COLEC12: variants seen among roughly 807,000 people sequenced by gnomAD.
COLEC12 encodes collectin subfamily member 12, also known as collectin-12.
In COLEC12, 33 loss-of-function variants were observed where a neutral mutation model predicts 71.1. The ratio of observed to expected loss-of-function variants is 0.46; its 90% CI spans 0.35 to 0.62. The LOEUF is 0.62. Among genes scored for constraint, COLEC12 ranks in the 20% least tolerant of loss-of-function variants. The pLI, the probability that COLEC12 is intolerant of heterozygous loss-of-function variation, is 0.00. For synonymous variants in COLEC12, 350 were observed against 353.0 expected (o/e 0.99, Z 0.10); for missense variants, 765 against 916.1 (o/e 0.84, Z 2.13).
intron 2 of COLEC12, among the ~76,000 whole-genome samples, chr18:438,802 C>CG: frequency 7.5e-6 from 1 of 132,690 alleles, no homozygotes; most frequent in South Asian, 2.4e-4. Flanking sequence ...GACCTTGTCT[C>CG]AAAAAAAAAA....
At chr18:453,615 T>C (rs193052061) in intron 2 of COLEC12, among the ~76,000 whole-genome samples, 1 of 152,230 alleles carries the variant, frequency 6.6e-6, no homozygotes, top group African/African-American at 2.4e-5. Flanking sequence ...TTATCTTCCC[T>C]GTCTATACTC....
chr18:438,223 T>C (rs1916445012), intron 2 of COLEC12, among the ~76,000 whole-genome samples: 1 of 152,198 alleles, frequency 6.6e-6, no homozygotes, highest in South Asian at 2.1e-4. Context: ...AGTGCCAGCA[T>C]AAACCTCATG....
intron 1 of COLEC12, among the ~76,000 whole-genome samples, chr18:484,600 A>G (rs1039386182): frequency 2.0e-5 from 3 of 152,182 alleles, no homozygotes; most frequent in Non-Finnish European, 2.9e-5. Context: ...GGGGGCGAGG[A>G]TAGAGATTGG....
rs1438453390 is a variant in COLEC12 at position 346,501 on chromosome 18, G to A, written c.1121C>T (p.Thr374Ile). The part of the protein sequence containing the change: ...LNEVRTTCTD[T>I]LTKHTDDLTS... The stretch of plus-strand genomic sequence containing the variant: ...CAGATCATCTGTGTGTTTGGTAAGG[G>A]TATCTGTGCAAGTGGTCCTGACTTC... Residue 374 changes from threonine to isoleucine, a missense_variant, in exon 5 of 10, where the codon ACC becomes ATC. Coordinates refer to ENST00000400256, the MANE Select transcript of COLEC12 (RefSeq NM_130386.3). This position sits in a 1 kb window ranked among gnomAD's most constrained non-coding sequence, Gnocchi z 4.0. 6.2e-7 allele frequency: 1 copy of A among 1,614,194 alleles called. No individual in the cohort carries two copies. The highest frequency in any genetic ancestry group is 1.7e-5 in the Admixed American group (1 of 60,024).
At chr18:483,832 T>C (rs1434696715) in intron 1 of COLEC12, among the ~76,000 whole-genome samples, 1 of 152,236 alleles carries the variant, frequency 6.6e-6, no homozygotes, top group Admixed American at 6.5e-5. Context: ...CGTTTGTTTT[T>C]TCATTCATTC....
chr18:424,936 G>T (rs989712901), intron 2 of COLEC12, among the ~76,000 whole-genome samples: 2 of 152,112 alleles, frequency 1.3e-5, no homozygotes, highest in African/African-American at 4.8e-5. Context: ...GTCACCTCAT[G>T]GGTGTGGGGG....
chr18:352,663 G>A (rs913705840), intron 3 of COLEC12, among the ~76,000 whole-genome samples: 1 of 152,214 alleles, frequency 6.6e-6, no homozygotes. Context: ...GAAATGTTAG[G>A]ATTGCAATGC....
At position 318,951 on chromosome 18, in the gene COLEC12, T is replaced by C. The variant is rs1913619517; in HGVS notation, c.*1094A>G. On this transcript the variant is annotated 3_prime_UTR_variant, in exon 10 of 10. Transcript: ENST00000400256. ...CCCATCTTTCTAGCATCTCTGCCTT[T>C]GGCTGATGTGACGCCATACGTTCCT... The C allele has an allele frequency of 6.9e-6, 1 of 145,172 alleles. No homozygotes were observed. The highest frequency in any genetic ancestry group is 6.9e-5 in the Admixed American group (1 of 14,474). 9.0% of individuals were successfully genotyped at this position (145,172 alleles called of 1,614,324 possible). A position where few individuals can be genotyped will look rare whatever the true frequency, so the allele number is the denominator to read the frequency against.
intron 2 of COLEC12, among the ~76,000 whole-genome samples, chr18:469,188 G>A (rs993637057): frequency 3.3e-5 from 5 of 152,180 alleles, no homozygotes; most frequent in South Asian, 4.1e-4. Flanking sequence ...GGGCGTTCCC[G>A]ACCTTATTTG....
Position 500,410 on chromosome 18 carries a change from CAAGGGAAGGTTCGCG to C in COLEC12, c.7+83_7+97del. 1 of 818,686 alleles carries C rather than the reference CAAGGGAAGGTTCGCG, an allele frequency of 1.2e-6. No individual in the cohort carries two copies. The highest frequency in any genetic ancestry group is 4.5e-5 in the East Asian group (1 of 22,296). The allele number at this position is 818,686 out of a possible 1,614,324, so 50.7% of individuals were successfully genotyped here. On this transcript the variant is annotated intron_variant, in intron 1 of 9. Transcript: ENST00000400256. This position sits in a 1 kb window ranked among gnomAD's most constrained non-coding sequence, Gnocchi z 5.3. ...GCCCCGACTCCCCGGGCCCGCAGCCCAAGGGAAGGTTCGCGCGGGAGGCACCTCCGTGGCCTCCCG... is the reference window on the plus strand; with the variant it reads ...GCCCCGACTCCCCGGGCCCGCAGCCCCGGGAGGCACCTCCGTGGCCTCCCG...
intron 9 of COLEC12, among the ~76,000 whole-genome samples, chr18:320,484 ACTGT>A (rs2143398339): frequency 6.6e-6 from 1 of 152,394 alleles, no homozygotes; most frequent in East Asian, 1.9e-4. Flanking sequence ...GTGCTCAGTA[ACTGT>A]CTGTTGAATG....
chr18:461,960 G>A (rs549497830), intron 2 of COLEC12, among the ~76,000 whole-genome samples: 18 of 152,286 alleles, frequency 1.2e-4, no homozygotes, highest in Admixed American at 2.0e-4. Context: ...AATGAATGAC[G>A]TCATATCTAA....
At chr18:351,557 T>C (rs1231321970) in intron 3 of COLEC12, among the ~76,000 whole-genome samples, 1 of 152,132 alleles carries the variant, frequency 6.6e-6, no homozygotes, top group African/African-American at 2.4e-5. Context: ...ATATATTTAT[T>C]ATGTCATTTA....
chr18:339,848 A>G (rs2143453001), intron 5 of COLEC12, among the ~76,000 whole-genome samples: 1 of 152,276 alleles, frequency 6.6e-6, no homozygotes, highest in East Asian at 1.9e-4. Flanking sequence ...CATTGAGAAG[A>G]AGAGCTAAAG....
chr18:472,678 C>CA (rs765169609), intron 2 of COLEC12, among the ~76,000 whole-genome samples: 12,023 of 92,970 alleles, frequency 0.13, 979 homozygotes, highest in Admixed American at 0.17. Flanking sequence ...GGCCCTGTGA[C>CA]AAAAAAAAAA....
intron 2 of COLEC12, among the ~76,000 whole-genome samples, chr18:375,744 T>C (rs1915099545): frequency 1.3e-5 from 2 of 152,244 alleles, no homozygotes; most frequent in African/African-American, 2.4e-5. Context: ...CTAACAAGAA[T>C]GTGAGTTCCA....
chr18:348,405 G>A (rs541802325), intron 3 of COLEC12, among the ~76,000 whole-genome samples: 2 of 152,184 alleles, frequency 1.3e-5, no homozygotes, highest in Non-Finnish European at 2.9e-5. Flanking sequence ...TTATGATTCT[G>A]TAATGCCTTG....
At chr18:324,245 A>G (rs551977687) in intron 8 of COLEC12, among the ~76,000 whole-genome samples, 1 of 152,338 alleles carries the variant, frequency 6.6e-6, no homozygotes, top group African/African-American at 2.4e-5. Flanking sequence ...AACGTGTCAA[A>G]TAAGCAAAAT....
chr18:496,797 G>A (rs9953226), intron 1 of COLEC12, among the ~76,000 whole-genome samples: 37 of 152,098 alleles, frequency 2.4e-4, no homozygotes, highest in Non-Finnish European at 4.6e-4. Flanking sequence ...CTGTGGTCCC[G>A]GGTGGTGGCA....
Sources: allele counts gnomAD v4.1 joint callset (sites outside exome capture counted in the v4.1 genomes callset), GRCh38; gene constraint gnomAD v4.1.1; non-coding constraint Gnocchi (gnomAD v3.1); transcripts MANE v1.5; gene names NCBI Gene and HGNC (gene_info 2026-07-23, HGNC 2026-07-21).